The following HAUS8 variants were observed in gnomAD, a reference collection of about 807,000 sequenced individuals.
The protein encoded by HAUS8 is HAUS augmin-like complex subunit 8.
Under a neutral mutation model 42.9 loss-of-function variants are expected in HAUS8, and 38 were observed. The ratio of observed to expected loss-of-function variants is 0.89; its 90% CI spans 0.68 to 1.16. The LOEUF is 1.16. Among genes scored for constraint, HAUS8 ranks in the 50% most tolerant of loss-of-function variants. The pLI is 0.00. For missense variants in HAUS8, 494 were observed against 511.6 expected (o/e 0.97, Z 0.33); for synonymous variants, 199 against 205.8 (o/e 0.97, Z 0.28).
In HAUS8 at chr19:17,055,879, C is replaced by A; in HGVS notation, c.769G>T (p.Asp257Tyr). ...TTCCTACCTAAGAGCTGCTGCCCATCTCCCTCCAGGTGGATGGACCTCACG... is the reference window on the plus strand; with the variant it reads ...TTCCTACCTAAGAGCTGCTGCCCATATCCCTCCAGGTGGATGGACCTCACG... Reference protein sequence around the residue: ...LPVRSIHLEGDGQQLLDALQH... With the variant: ...LPVRSIHLEGYGQQLLDALQH... The change falls in exon 9 of 11, where the codon GAT (aspartate) becomes TAT (tyrosine). Residue 257 changes from aspartate (D) to tyrosine (Y), a missense_variant. Asp to Tyr is a radical substitution (Grantham distance 160). Transcript: ENST00000253669. 6.2e-7 allele frequency: 1 copy of A among 1,614,066 alleles called. No homozygotes were observed. The highest frequency in any genetic ancestry group is 8.5e-7 in the Non-Finnish European group (1 of 1,180,004).
chr19:17,064,278 T>C (rs560039610), intron 3 of HAUS8, among the ~76,000 whole-genome samples: 48 of 152,346 alleles, frequency 3.2e-4, no homozygotes, highest in Non-Finnish European at 6.8e-4. Flanking sequence ...ACCATGTTCA[T>C]GGATTGAAAG....
At chr19:17,059,242 C>A (rs912769419) in intron 6 of HAUS8, among the ~76,000 whole-genome samples, 3 of 152,228 alleles carry the variant, frequency 2.0e-5, no homozygotes, top group African/African-American at 4.8e-5. Flanking sequence ...CCCAGTGAGA[C>A]CACAGCCTAG....
In HAUS8 at chr19:17,059,588, G is replaced by A. The variant is rs772873866; in HGVS notation, c.389C>T (p.Thr130Ile). The A allele has an allele frequency of 4.3e-6, 7 of 1,613,772 alleles. No homozygotes were observed. In the African/African-American group the frequency reaches 9.3e-5, roughly 22 times the overall value. ...AKTISKKPES[T>I]SFSAPRKKSP... ...CTTTTTCCGAGGGGCAGAAAATGAT[G>A]TTGACTCAGGTTTCTTTGATATTGT... The change falls in exon 6 of 11, where the codon ACA becomes ATA. Residue 130 changes from threonine to isoleucine, a missense_variant. Transcript: ENST00000253669.
At chr19:17,063,171 C>T (rs1050010612) in intron 3 of HAUS8, among the ~76,000 whole-genome samples, 1 of 152,120 alleles carries the variant, frequency 6.6e-6, no homozygotes, top group African/African-American at 2.4e-5. Context: ...GAGCACTGGC[C>T]TTCTAATAAC....
At chr19:17,053,153 T>G (rs2057298656) in intron 9 of HAUS8, 187 bp from the exon 10 acceptor site, 1 of 637,742 alleles carries the variant, frequency 1.6e-6, no homozygotes, top group Admixed American at 2.8e-5. Context: ...GCTCTGAGAT[T>G]GTGGGACAGG....
At chr19:17,065,379 G>A (rs2057381502) in intron 3 of HAUS8, among the ~76,000 whole-genome samples, 1 of 152,146 alleles carries the variant, frequency 6.6e-6, no homozygotes, top group Non-Finnish European at 1.5e-5. Context: ...TGCCAGAGAG[G>A]GTCCTGCCTC....
intron 2 of HAUS8, among the ~76,000 whole-genome samples, chr19:17,071,522 G>A (rs777715526): frequency 5.9e-5 from 9 of 152,128 alleles, no homozygotes; most frequent in Non-Finnish European, 4.4e-5. Flanking sequence ...GATGGTGATC[G>A]AACAGCTGAG....
At position 17,049,816 on chromosome 19, in the gene HAUS8, A is replaced by G. The variant is rs2057274608; in HGVS notation, c.*57T>C. 8.2e-7 allele frequency: 1 copy of G among 1,223,878 alleles called. No homozygotes were observed. The highest frequency in any genetic ancestry group is 3.0e-5 in the Admixed American group (1 of 33,404). 75.8% of individuals were successfully genotyped at this position (1,223,878 alleles called of 1,614,324 possible). ...CAAACAAGATTATCACATAAAAAAT[A>G]GCTACAGTGCTACGGTAGTATATAA... On this transcript the variant is annotated 3_prime_UTR_variant, in exon 11 of 11. Transcript: ENST00000253669.
intron 10 of HAUS8, among the ~76,000 whole-genome samples, chr19:17,051,040 A>G (rs2057284382): frequency 6.6e-6 from 1 of 152,142 alleles, no homozygotes; most frequent in Non-Finnish European, 1.5e-5. Flanking sequence ...AGCCTAAGCA[A>G]TGAAATGAAA....
At chr19:17,066,591 G>A (rs1304560885) in intron 3 of HAUS8, among the ~76,000 whole-genome samples, 1 of 152,176 alleles carries the variant, frequency 6.6e-6, no homozygotes, top group Admixed American at 6.6e-5. Flanking sequence ...AGGTTCTGAT[G>A]CTATTTCCAG....
intron 1 of HAUS8, chr19:17,074,757 T>C (rs902599275): frequency 2.0e-5 from 3 of 152,078 alleles, no homozygotes; most frequent in African/African-American, 7.3e-5. Flanking sequence ...TGCTGGCCAA[T>C]TTCACTTCAG....
chr19:17,059,716 T>C, intron 5 of HAUS8, 65 bp from the exon 6 acceptor site: 2 of 1,086,842 alleles, frequency 1.8e-6, no homozygotes, highest in Non-Finnish European at 2.8e-6. Context: ...GGTTGCCATT[T>C]TTTTTCTAAT....
chr19:17,067,741 G>A (rs1337931984), intron 3 of HAUS8, among the ~76,000 whole-genome samples: 1 of 152,234 alleles, frequency 6.6e-6, no homozygotes, highest in Non-Finnish European at 1.5e-5. Flanking sequence ...TTCTCAAGCC[G>A]AATCTTAAGT....
intron 3 of HAUS8, among the ~76,000 whole-genome samples, chr19:17,067,480 T>A (rs1197337146): frequency 2.0e-5 from 3 of 152,116 alleles, no homozygotes; most frequent in Non-Finnish European, 1.5e-5. Context: ...TGACTGTCTA[T>A]GTCTGTCAAA....
intron 9 of HAUS8, chr19:17,055,169 T>C (rs867180429): frequency 8.5e-5 from 4 of 47,228 alleles, no homozygotes; most frequent in African/African-American, 2.2e-4. Flanking sequence ...TATATATATA[T>C]ATATATATAT....
upstream of HAUS8, chr19:17,075,521 G>A (rs2057468273): frequency 1.5e-6 from 2 of 1,342,282 alleles, no homozygotes; most frequent in Non-Finnish European, 2.1e-6. Flanking sequence ...CGCAGGAGGG[G>A]TGGCTGCGAG....
At chr19:17,053,047 TTC>T in intron 9 of HAUS8, 81 bp from the exon 10 acceptor site, 1 of 1,540,196 alleles carries the variant, frequency 6.5e-7, no homozygotes, top group Non-Finnish European at 9.0e-7. Flanking sequence ...GCCGACAGAC[TTC>T]TGTCATGATG....
At chr19:17,059,780 T>C in intron 5 of HAUS8, 129 bp from the exon 6 acceptor site, 1 of 702,592 alleles carries the variant, frequency 1.4e-6, no homozygotes, top group Non-Finnish European at 2.4e-6. Context: ...TATGGACTTA[T>C]AACAGTCCAG....
intron 2 of HAUS8, among the ~76,000 whole-genome samples, chr19:17,072,499 T>C (rs926388687): frequency 6.6e-6 from 1 of 151,906 alleles, no homozygotes; most frequent in African/African-American, 2.4e-5. Flanking sequence ...CCTACCACCA[T>C]GGCCGGCTAA....
Sources: allele counts gnomAD v4.1 joint callset (sites outside exome capture counted in the v4.1 genomes callset), GRCh38; gene constraint gnomAD v4.1.1; transcripts MANE v1.5; gene names NCBI Gene and HGNC (gene_info 2026-07-23, HGNC 2026-07-21).